EYA4: variants seen among roughly 807,000 people sequenced by gnomAD.
EYA4 encodes EYA transcriptional coactivator and phosphatase 4.
EYA4 carries 31 observed loss-of-function variants against 87.9 expected under a neutral mutation model. That is an observed-to-expected ratio of 0.35 (90% confidence interval 0.27 to 0.48). The LOEUF (loss-of-function observed/expected upper bound fraction) is 0.48, where lower values mean the gene tolerates loss of function less well. EYA4 is among the 20% of genes least tolerant of loss of function. The pLI, the probability that EYA4 is intolerant of heterozygous loss-of-function variation, is 0.99. For missense variants in EYA4, 678 were observed against 761.4 expected, an observed-to-expected ratio of 0.89 and a Z score of 1.29; for synonymous variants, 263 against 270.6, an observed-to-expected ratio of 0.97 and a Z score of 0.28.
At chr6:133,357,693 A>G (rs1232165659) in intron 2 of EYA4, among the ~76,000 whole-genome samples, 2 of 152,066 alleles carry the variant, frequency 1.3e-5, no homozygotes, top group Non-Finnish European at 2.9e-5. Context: ...TGTCTTACTA[A>G]TACTTATTTC....
intron 2 of EYA4, among the ~76,000 whole-genome samples, chr6:133,323,924 A>T (rs1337163642): frequency 6.6e-6 from 1 of 152,160 alleles, no homozygotes; most frequent in East Asian, 1.9e-4. Flanking sequence ...TAATATCTGG[A>T]TATCTGGGTG....
chr6:133,479,768 T>A (rs976248409), intron 11 of EYA4, among the ~76,000 whole-genome samples: 1 of 152,164 alleles, frequency 6.6e-6, no homozygotes. Context: ...AAACTGAGAT[T>A]TAGAGAGATT....
chr6:133,331,417 C>G (rs1240874558), intron 2 of EYA4, among the ~76,000 whole-genome samples: 1 of 152,150 alleles, frequency 6.6e-6, no homozygotes. Context: ...ATCCCTGTGT[C>G]ATCATCAGCA....
chr6:133,398,495 T>A (rs1323258800), intron 3 of EYA4, among the ~76,000 whole-genome samples: 1 of 152,234 alleles, frequency 6.6e-6, no homozygotes, highest in African/African-American at 2.4e-5. Context: ...AAGAGTCTGA[T>A]TTTTTTCAGC....
chr6:133,279,172 G>A (rs1022971930), intron 2 of EYA4, among the ~76,000 whole-genome samples: 4 of 151,970 alleles, frequency 2.6e-5, no homozygotes, highest in African/African-American at 9.7e-5. Context: ...GGTTTGAAAA[G>A]AAATATATTT....
At chr6:133,472,923 CT>C (rs1286624881) in intron 11 of EYA4, among the ~76,000 whole-genome samples, 1 of 151,120 alleles carries the variant, frequency 6.6e-6, no homozygotes, top group Non-Finnish European at 1.5e-5. Context: ...CAACCCCTGC[CT>C]TTTTTTGTTT....
intron 2 of EYA4, among the ~76,000 whole-genome samples, chr6:133,302,364 A>T (rs1412542432): frequency 2.0e-5 from 3 of 152,202 alleles, no homozygotes; most frequent in African/African-American, 7.2e-5. Context: ...CTTAGGGGAT[A>T]GGAAGAGATG....
intron 2 of EYA4, among the ~76,000 whole-genome samples, chr6:133,353,277 G>A (rs1783774564): frequency 6.6e-6 from 1 of 152,078 alleles, no homozygotes. Flanking sequence ...GCATTGGCAT[G>A]TGAGTATGCC....
chr6:133,349,850 T>G (rs1253292556), intron 2 of EYA4, among the ~76,000 whole-genome samples: 1 of 152,090 alleles, frequency 6.6e-6, no homozygotes, highest in African/African-American at 2.4e-5. Context: ...AAATTTTGTG[T>G]GGGTAAAATA....
intron 1 of EYA4, among the ~76,000 whole-genome samples, chr6:133,262,727 C>A (rs973474293): frequency 1.3e-5 from 2 of 152,138 alleles, no homozygotes; most frequent in African/African-American, 4.8e-5. Context: ...GAAGTATGAA[C>A]CCCATTATCA....
intron 2 of EYA4, among the ~76,000 whole-genome samples, chr6:133,342,451 C>T (rs11753937): frequency 0.24 from 34,617 of 147,280 alleles, 5,267 homozygotes; most frequent in Middle Eastern, 0.35. Flanking sequence ...AGATTCAGAT[C>T]GGAAGGTGTA....
intron 1 of EYA4, among the ~76,000 whole-genome samples, chr6:133,270,994 C>T (rs2128258062): frequency 6.6e-6 from 1 of 152,190 alleles, no homozygotes; most frequent in Middle Eastern, 3.4e-3. Flanking sequence ...AGTGTTCCTC[C>T]CTCTGGAACT....
At chr6:133,525,929 T>A (rs1052691828) in intron 19 of EYA4, 1 of 985,260 alleles carries the variant, frequency 1.0e-6, no homozygotes, top group Non-Finnish European at 1.2e-6. Context: ...TAGAAGAGTT[T>A]CATCTGTTTT....
upstream of EYA4, chr6:133,240,903 A>C (rs1280976768): frequency 6.6e-6 from 1 of 152,340 alleles, no homozygotes; most frequent in African/African-American, 2.4e-5. Flanking sequence ...GTAGCGAGAG[A>C]GTTCCAGGCA....
intron 1 of EYA4, among the ~76,000 whole-genome samples, chr6:133,243,009 C>A (rs1376246395): frequency 6.6e-6 from 1 of 152,066 alleles, no homozygotes; most frequent in Non-Finnish European, 1.5e-5. Flanking sequence ...GGTGCAGGTC[C>A]CTCTGCCCTT....
At chr6:133,271,216 C>G (rs746977949) in intron 1 of EYA4, among the ~76,000 whole-genome samples, 1 of 152,032 alleles carries the variant, frequency 6.6e-6, no homozygotes, top group African/African-American at 2.4e-5. Flanking sequence ...AGAACTTTGC[C>G]CCAGCCCTGC....
chr6:133,304,194 A>G (rs866928568), intron 2 of EYA4, among the ~76,000 whole-genome samples: 1 of 152,168 alleles, frequency 6.6e-6, no homozygotes, highest in African/African-American at 2.4e-5. Flanking sequence ...TTAACTAAGC[A>G]TCAATCCTGT....
chr6:133,343,728 A>G (rs532880660), intron 2 of EYA4, among the ~76,000 whole-genome samples: 30 of 152,028 alleles, frequency 2.0e-4, no homozygotes, highest in African/African-American at 5.8e-4. Context: ...TTCCTGTTTG[A>G]GATAGTGGTT....
chr6:133,379,234 T>C (rs1460909256), intron 2 of EYA4, among the ~76,000 whole-genome samples: 1 of 152,064 alleles, frequency 6.6e-6, no homozygotes, highest in Non-Finnish European at 1.5e-5. Context: ...ATTGCACCTA[T>C]GAATAGCCAC....
Sources: allele counts gnomAD v4.1 joint callset (sites outside exome capture counted in the v4.1 genomes callset), GRCh38; gene constraint gnomAD v4.1.1; transcripts MANE v1.5; gene names NCBI Gene and HGNC (gene_info 2026-07-23, HGNC 2026-07-21).